Variants in UMODL1 observed in about 807,000 individuals in gnomAD.
UMODL1 encodes the protein uromodulin-like 1.
In UMODL1, 128 loss-of-function variants were observed where a neutral mutation model predicts 136.3. The ratio of observed to expected loss-of-function variants is 0.94; its 90% CI spans 0.81 to 1.09. UMODL1 has a LOEUF of 1.09. UMODL1 is among the 50% of genes least tolerant of loss of function. UMODL1 has a pLI of 0.00. For synonymous variants in UMODL1, 721 were observed against 720.0 expected (o/e 1.00, Z -0.02); for missense variants, 1,766 against 1,725.6 (o/e 1.02, Z -0.41).
intron 21 of UMODL1, among the ~76,000 whole-genome samples, chr21:42,136,599 C>A (rs1227976129): frequency 1.3e-5 from 2 of 152,230 alleles, no homozygotes; most frequent in Non-Finnish European, 2.9e-5. Flanking sequence ...TGTATGGATT[C>A]ATTCACCTGT....
chr21:42,115,494 C>T (rs757299655), intron 13 of UMODL1, among the ~76,000 whole-genome samples: 10 of 152,350 alleles, frequency 6.6e-5, no homozygotes, highest in Middle Eastern at 6.8e-3. Flanking sequence ...AGTTTGCACC[C>T]GTAGCCCTGG....
rs1334168101 is a variant in UMODL1 at position 42,109,522 on chromosome 21, C to T, written c.1520-40C>T. ...GGTCTGTCTTCTGATCACTCTTTGG[C>T]TGTTTTCTCATGGGTTTTGATTGTG... On this transcript the variant is annotated intron_variant, in intron 9 of 22. Transcript: ENST00000408910. 3 of 1,598,176 alleles carry T rather than the reference C, an allele frequency of 1.9e-6. No individual in the cohort carries two copies. The African/African-American group carries it at 4.1e-5, about 22-fold the overall frequency.
intron 8 of UMODL1, 54 bp downstream of exon 8, chr21:42,102,332 T>C: frequency 1.5e-6 from 2 of 1,314,260 alleles, no homozygotes; most frequent in Non-Finnish European, 2.2e-6. Context: ...AGTGAGGACA[T>C]CAAACACAAG....
intron 1 of UMODL1, 34 bp downstream of exon 1, chr21:42,071,426 A>G (rs1314619194): frequency 6.5e-7 from 1 of 1,535,512 alleles, no homozygotes; most frequent in Non-Finnish European, 8.8e-7. Flanking sequence ...GGCAGTTCTT[A>G]AGGACAGGGG....
At position 42,121,130 on chromosome 21, in the gene UMODL1, G is replaced by T. The variant is rs773993280; in HGVS notation, c.2733G>T (p.Gly911=). The change falls in exon 16 of 23, where the codon GGG becomes GGT. Residue 911 remains glycine, a synonymous_variant. Coordinates refer to ENST00000408910, the MANE Select transcript of UMODL1 (RefSeq NM_001004416.3). ...CERKEDDCVP[G]TSCRNTLGSF... ...GGAAGGAGGACGACTGTGTGCCGGG[G>T]ACATCCTGTCGAAACACCCTCGGGT... The T allele has an allele frequency of 1.9e-6, 3 of 1,614,130 alleles. No individual in the cohort carries two copies. The highest frequency in any genetic ancestry group is 2.5e-6 in the Non-Finnish European group (3 of 1,180,008).
intron 21 of UMODL1, among the ~76,000 whole-genome samples, chr21:42,133,736 C>A (rs1328006759): frequency 6.6e-6 from 1 of 152,190 alleles, no homozygotes; most frequent in Admixed American, 6.5e-5. Flanking sequence ...AGTCTCTGCC[C>A]CCGTCTGCAC....
At chr21:42,097,203 T>A (rs1601208268) in intron 6 of UMODL1, among the ~76,000 whole-genome samples, 1 of 152,366 alleles carries the variant, frequency 6.6e-6, no homozygotes, top group Middle Eastern at 3.4e-3. Context: ...TTTAAAAAAC[T>A]ACATTCTACC....
In UMODL1 at chr21:42,111,060, G is replaced by A. The variant is rs2066816077; in HGVS notation, c.1838G>A (p.Arg613Lys). 1.9e-6 allele frequency: 3 copies of A among 1,613,556 alleles called. No individual in the cohort carries two copies. Among genetic ancestry groups the A allele is most frequent in the African/African-American group, 2.7e-5 (2 of 75,068 alleles). The part of the protein sequence containing the change: ...QAWTPEPSPR[R>K]GGSNVVGYDR... The stretch of plus-strand genomic sequence containing the variant: ...TGGACCCCAGAGCCCTCACCCAGAA[G>A]AGGGGGCAGCAATGTGGTCGGGTAT... Residue 613 changes from arginine (R) to lysine (K), a missense_variant, in exon 11 of 23, where the codon AGA becomes AAA. Coordinates refer to ENST00000408910, the MANE Select transcript of UMODL1 (RefSeq NM_001004416.3).
intron 9 of UMODL1, among the ~76,000 whole-genome samples, chr21:42,106,327 GC>G (rs1452480452): frequency 6.6e-6 from 1 of 152,030 alleles, no homozygotes; most frequent in African/African-American, 2.4e-5. Context: ...ATATTACTCG[GC>G]AAAAAAAACA....
At chr21:42,131,342 C>G (rs2067131064) in intron 21 of UMODL1, among the ~76,000 whole-genome samples, 1 of 151,898 alleles carries the variant, frequency 6.6e-6, no homozygotes. Context: ...CTGCTCAGGT[C>G]TTGGCCATGA....
intron 6 of UMODL1, among the ~76,000 whole-genome samples, chr21:42,097,641 A>G (rs8132617): frequency 0.058 from 8,854 of 152,298 alleles, 557 homozygotes; most frequent in African/African-American, 0.16. Context: ...GAAGCCACAC[A>G]TTATAAAATT....
intron 17 of UMODL1, 90 bp from the exon 18 acceptor site, chr21:42,126,255 A>C (rs893035372): frequency 2.6e-6 from 4 of 1,551,472 alleles, no homozygotes; most frequent in African/African-American, 1.4e-5. Flanking sequence ...AAGAACCCCC[A>C]TCCCCCCAGC....
At chr21:42,139,675 TAGAA>T (rs1239206008) in intron 22 of UMODL1, among the ~76,000 whole-genome samples, 1 of 152,102 alleles carries the variant, frequency 6.6e-6, no homozygotes, top group African/African-American at 2.4e-5. Flanking sequence ...CAGATGTCCT[TAGAA>T]AGCTAGTGGG....
rs79386924 is a variant in UMODL1 at position 42,094,758 on chromosome 21, G to T, written c.932-4168G>T. ...GATTGGCCTTAGCACGTTAGAAGTT[G>T]GTTGGTTGGTTTTACAACACAAAGA... On this transcript the variant is annotated intron_variant, in intron 6 of 22. Coordinates refer to ENST00000408910, the MANE Select transcript of UMODL1 (RefSeq NM_001004416.3). 9.0e-3 allele frequency among the ~76,000 whole-genome samples: 1,376 copies of T among 152,266 alleles called. 24 individuals carry two copies. Among genetic ancestry groups the T allele is most frequent in the African/African-American group, 0.031 (1,290 of 41,542 alleles).
intron 10 of UMODL1, 127 bp downstream of exon 10, chr21:42,109,826 T>C (rs1440375538): frequency 2.0e-6 from 2 of 1,004,102 alleles, no homozygotes; most frequent in African/African-American, 1.6e-5. Context: ...CCTACAGAAA[T>C]GTTTTCATTT....
chr21:42,133,734 C>T (rs886294852), intron 21 of UMODL1, among the ~76,000 whole-genome samples: 4 of 152,208 alleles, frequency 2.6e-5, no homozygotes, highest in African/African-American at 9.7e-5. Flanking sequence ...CCAGTCTCTG[C>T]CCCCGTCTGC....
At position 42,119,126 on chromosome 21, in the gene UMODL1, C is replaced by T; in HGVS notation, c.2491C>T (p.Pro831Ser). 1 of 1,612,734 alleles carries T rather than the reference C, an allele frequency of 6.2e-7. No homozygotes were observed. The highest frequency in any genetic ancestry group is 8.5e-7 in the Non-Finnish European group (1 of 1,179,520). The change falls in exon 15 of 23, where the codon CCA becomes TCA. Residue 831 changes from proline to serine, a missense_variant. Coordinates refer to ENST00000408910, the MANE Select transcript of UMODL1 (RefSeq NM_001004416.3). Reference sequence around the variant, plus strand: ...TTCCCCGCAGGTGCGGGGCTCCCTGCCAGCCACCATGTGTCAGCACATGGA... The same window carrying T: ...TTCCCCGCAGGTGCGGGGCTCCCTGTCAGCCACCATGTGTCAGCACATGGA... ...LFFRMVRGSLPATMCQHMDAG... is the reference protein window; with the variant it reads ...LFFRMVRGSLSATMCQHMDAG...
intron 2 of UMODL1, among the ~76,000 whole-genome samples, chr21:42,080,524 GAC>G (rs2066350025): frequency 6.6e-6 from 1 of 152,206 alleles, no homozygotes; most frequent in Non-Finnish European, 1.5e-5. Context: ...CGGAAGCATG[GAC>G]ACACACGTGA....
chr21:42,127,754 T>G lies in UMODL1; in HGVS notation c.3613T>G (p.Phe1205Val), dbSNP rs1345087452. 1.2e-6 allele frequency: 2 copies of G among 1,614,212 alleles called. No individual in the cohort carries two copies. Among genetic ancestry groups the G allele is most frequent in the South Asian group, 1.1e-5 (1 of 91,070 alleles). Reference sequence around the variant, plus strand: ...CCAGTTCAAGCTGAGGATCTTTTCCTTTATCAACGACTCCATCGTCTACCT... The same window carrying G: ...CCAGTTCAAGCTGAGGATCTTTTCCGTTATCAACGACTCCATCGTCTACCT... ...KAQFKLRIFS[F>V]INDSIVYLHC... Residue 1205 changes from phenylalanine (F) to valine (V), a missense_variant, in exon 20 of 23, where the codon TTT becomes GTT. Transcript: ENST00000408910.
Sources: gnomAD v4.1 joint callset for allele counts (sites outside exome capture counted in the v4.1 genomes callset) on GRCh38, gnomAD v4.1.1 for gene constraint, MANE v1.5 for transcripts, NCBI Gene and HGNC (gene_info 2026-07-23, HGNC 2026-07-21) for gene names.